CRACD: variants seen among roughly 807,000 people sequenced by gnomAD.
CRACD encodes the protein capping protein-inhibiting regulator of actin dynamics.
A neutral mutation model predicts 106.8 loss-of-function variants in CRACD; 56 were observed. The observed-to-expected ratio is 0.52, with a 90% CI of 0.42 to 0.66. CRACD has a LOEUF of 0.66. Among genes scored for constraint, CRACD ranks in the 30% least tolerant of loss-of-function variants. The pLI, the probability that CRACD is intolerant of heterozygous loss-of-function variation, is 0.00. For missense variants in CRACD, 1,730 were observed against 1,623.2 expected (o/e 1.07, Z -1.13); for synonymous variants, 754 against 670.8 (o/e 1.12, Z -1.92).
chr4:56,062,817 A>G (rs1207940892), intron 1 of CRACD, among the ~76,000 whole-genome samples: 2 of 152,180 alleles, frequency 1.3e-5, no homozygotes, highest in Non-Finnish European at 2.9e-5. Context: ...AATGCCTTAC[A>G]AATTTGGGGC....
intron 2 of CRACD, among the ~76,000 whole-genome samples, chr4:56,238,257 C>T (rs976517843): frequency 6.6e-6 from 1 of 152,292 alleles, no homozygotes; most frequent in East Asian, 1.9e-4. Flanking sequence ...ATGTGTGTTG[C>T]CAGTGCTGGG....
chr4:56,112,745 AC>A (rs1734160385), intron 1 of CRACD, among the ~76,000 whole-genome samples: 1 of 152,012 alleles, frequency 6.6e-6, no homozygotes, highest in Admixed American at 6.6e-5. Flanking sequence ...AGTTACTATT[AC>A]CTTTTTGCTT....
At chr4:56,301,272 TTTA>T (rs1744352252) in intron 4 of CRACD, 1 of 1,272,154 alleles carries the variant, frequency 7.9e-7, no homozygotes, top group Non-Finnish European at 1.0e-6. Flanking sequence ...TGATAGTAAC[TTTA>T]TTAACTTGCA....
intron 1 of CRACD, among the ~76,000 whole-genome samples, chr4:56,145,354 T>C (rs1404327699): frequency 6.6e-6 from 1 of 152,190 alleles, no homozygotes; most frequent in African/African-American, 2.4e-5. Context: ...ATCACACAAT[T>C]TAAAACAGTT....
At position 56,313,254 on chromosome 4, in the gene CRACD, G is replaced by T. The variant is rs551007533; in HGVS notation, c.412G>T (p.Glu138Ter). ...KRHFSSAGTI[E>*]SVNLDAIPLA... The stretch of plus-strand genomic sequence containing the variant: ...GCACTTCTCTTCTGCTGGCACCATC[G>T]AAAGTGTCAACTTAGATGCCATCCC... Residue 138 changes from glutamate (E) to a stop codon, truncating the protein, a stop_gained, in exon 7 of 11, where the codon GAA becomes TAA. Coordinates refer to ENST00000682029, the MANE Select transcript of CRACD (RefSeq NM_001393381.1). LOFTEE classifies it high-confidence loss of function. 1 of 1,614,026 alleles carries T rather than the reference G, an allele frequency of 6.2e-7. No homozygotes were observed. Among genetic ancestry groups the T allele is most frequent in the Non-Finnish European group, 8.5e-7 (1 of 1,180,036 alleles).
intron 9 of CRACD, 89 bp downstream of exon 9, chr4:56,323,656 G>A (rs770356961): frequency 2.2e-5 from 28 of 1,288,020 alleles, no homozygotes; most frequent in Non-Finnish European, 2.9e-5. Context: ...AGGCTAGCTG[G>A]GCTGGTGGAA....
chr4:56,169,373 A>G (rs578164261), intron 1 of CRACD, among the ~76,000 whole-genome samples: 15 of 152,322 alleles, frequency 9.8e-5, no homozygotes, highest in African/African-American at 3.6e-4. Context: ...GCATTAGCTC[A>G]GGGAATAGTA....
intron 1 of CRACD, among the ~76,000 whole-genome samples, chr4:56,124,130 G>A (rs1734581698): frequency 6.6e-6 from 1 of 152,012 alleles, no homozygotes; most frequent in Non-Finnish European, 1.5e-5. Context: ...TAGAAATGGG[G>A]TTTCACCATG....
At chr4:56,144,873 C>T (rs1458914062) in intron 1 of CRACD, among the ~76,000 whole-genome samples, 4 of 151,866 alleles carry the variant, frequency 2.6e-5, no homozygotes, top group Admixed American at 6.6e-5. Flanking sequence ...AGGCTGGTCT[C>T]GAACTCCTGA....
At chr4:56,086,796 C>T (rs1733236683) in intron 1 of CRACD, among the ~76,000 whole-genome samples, 1 of 152,106 alleles carries the variant, frequency 6.6e-6, no homozygotes, top group Non-Finnish European at 1.5e-5. Flanking sequence ...ATCAATGCCA[C>T]GTGGTCTTAT....
At chr4:56,274,649 T>G (rs1295494807) in intron 3 of CRACD, among the ~76,000 whole-genome samples, 1 of 151,170 alleles carries the variant, frequency 6.6e-6, no homozygotes. Context: ...CAAACCTGCA[T>G]TTATGAGACG....
At chr4:56,243,954 T>C (rs993940133) in intron 2 of CRACD, among the ~76,000 whole-genome samples, 29 of 152,286 alleles carry the variant, frequency 1.9e-4, no homozygotes, top group African/African-American at 7.0e-4. Context: ...TCTGGAACCA[T>C]GCTTCTACTC....
chr4:56,126,825 G>A (rs1028133817), intron 1 of CRACD, among the ~76,000 whole-genome samples: 11 of 152,134 alleles, frequency 7.2e-5, no homozygotes, highest in Non-Finnish European at 1.5e-4. Context: ...AAGGAAGCTT[G>A]GGATCCATGA....
chr4:56,315,995 A>G lies in CRACD; in HGVS notation c.2493A>G (p.Pro831=). ...AGACTGCAAACGGGATAGCAAAGCCAGACCCTGTGATGCCAGGTGGAGAGG... is the reference window on the plus strand; with the variant it reads ...AGACTGCAAACGGGATAGCAAAGCCGGACCCTGTGATGCCAGGTGGAGAGG... ...DSETANGIAK[P]DPVMPGGEEK... The change falls in exon 8 of 11, where the codon CCA becomes CCG. Residue 831 remains proline (P), a synonymous_variant. Transcript: ENST00000682029. The surrounding 1 kb of genome is among the most constrained non-coding windows in gnomAD (Gnocchi z 4.1). 1 of 1,614,266 alleles carries G rather than the reference A, an allele frequency of 6.2e-7. No individual in the cohort carries two copies. Among genetic ancestry groups the G allele is most frequent in the Non-Finnish European group, 8.5e-7 (1 of 1,180,052 alleles).
intron 1 of CRACD, among the ~76,000 whole-genome samples, chr4:56,089,211 T>C (rs1303726967): frequency 1.3e-5 from 2 of 152,358 alleles, no homozygotes; most frequent in East Asian, 3.9e-4. Flanking sequence ...AATTTGAATT[T>C]CCTGTGCCAG....
chr4:56,224,119 ACT>A (rs1211111647), intron 2 of CRACD, among the ~76,000 whole-genome samples: 4 of 146,822 alleles, frequency 2.7e-5, no homozygotes, highest in Non-Finnish European at 3.0e-5. Flanking sequence ...TCTTTTTATT[ACT>A]CTTTTTTTTT....
intron 1 of CRACD, among the ~76,000 whole-genome samples, chr4:56,172,460 C>A (rs1736408570): frequency 6.6e-6 from 1 of 152,156 alleles, no homozygotes; most frequent in Non-Finnish European, 1.5e-5. Context: ...GTGGTTCTAA[C>A]ACCCAACCTT....
At chr4:56,194,358 G>A (rs1737509115) in intron 2 of CRACD, among the ~76,000 whole-genome samples, 1 of 152,176 alleles carries the variant, frequency 6.6e-6, no homozygotes, top group South Asian at 2.1e-4. Flanking sequence ...TGAGCAACAT[G>A]GAGCAATTAA....
intron 1 of CRACD, among the ~76,000 whole-genome samples, chr4:56,152,828 A>G (rs1257524499): frequency 6.6e-6 from 1 of 152,236 alleles, no homozygotes; most frequent in Admixed American, 6.5e-5. Flanking sequence ...TCCTGTGCTA[A>G]GTCATCTTCC....
Sources: gnomAD v4.1 joint callset for allele counts (sites outside exome capture counted in the v4.1 genomes callset) on GRCh38, gnomAD v4.1.1 for gene constraint, Gnocchi (gnomAD v3.1) non-coding constraint, MANE v1.5 for transcripts, NCBI Gene and HGNC (gene_info 2026-07-23, HGNC 2026-07-21) for gene names.